Variants in ZNF518A observed in about 807,000 individuals in gnomAD.
ZNF518A encodes zinc finger protein 518.
In ZNF518A, 47 loss-of-function variants were observed where a neutral mutation model predicts 102.7. The ratio of observed to expected loss-of-function variants is 0.46; its 90% CI spans 0.36 to 0.58. ZNF518A has a LOEUF of 0.58. Ranked by LOEUF, ZNF518A falls within the 20% of genes least tolerant of loss-of-function variation. The pLI is 0.00. For synonymous variants in ZNF518A, 652 were observed against 594.6 expected (o/e 1.10, Z -1.40); for missense variants, 1,793 against 1,699.8 (o/e 1.05, Z -0.96).
chr10:96,174,548 T>G (rs1902697), intron 1 of ZNF518A, among the ~76,000 whole-genome samples: 128,866 of 152,140 alleles, frequency 0.85, 55,459 homozygotes, highest in Non-Finnish European at 0.93. Context: ...CCAGTAGTTA[T>G]ATGACCTAGA....
intron 1 of ZNF518A, among the ~76,000 whole-genome samples, chr10:96,183,472 C>T (rs587715039): frequency 2.3e-4 from 35 of 152,318 alleles, no homozygotes; most frequent in East Asian, 1.5e-3. Flanking sequence ...TTTCCCTCTA[C>T]GCACTGCTTT....
At position 96,156,626 on chromosome 10, in the gene ZNF518A, T is replaced by G. The variant is rs368478269; in HGVS notation, c.304T>G (p.Ser102Ala). 6 of 1,613,726 alleles carry G rather than the reference T, an allele frequency of 3.7e-6. No individual in the cohort carries two copies. The highest frequency in any genetic ancestry group is 5.1e-6 in the Non-Finnish European group (6 of 1,179,758). ...AGAGGAGTGTACATTGCTTCATAAGTCTGAGAGAGCTGAAGAAGAGGGTGT... is the reference window on the plus strand; with the variant it reads ...AGAGGAGTGTACATTGCTTCATAAGGCTGAGAGAGCTGAAGAAGAGGGTGT... ...CVEECTLLHK[S>A]ERAEEEGVKM... is the part of the protein sequence containing the mutation. Residue 102 changes from serine to alanine, a missense_variant, in exon 6 of 6, where the codon TCT becomes GCT. By Grantham distance (99) the Ser-to-Ala change is moderately conservative. Around this residue, in one of 3 missense-constraint regions of ZNF518A, gnomAD observed 1,741 missense variants for 1,622.6 expected, o/e 1.07. Transcript: ENST00000316045.
At chr10:96,154,847 C>T (rs1453900711) in intron 3 of ZNF518A, among the ~76,000 whole-genome samples, 1 of 152,086 alleles carries the variant, frequency 6.6e-6, no homozygotes, top group Non-Finnish European at 1.5e-5. Flanking sequence ...AATTGGTACC[C>T]TTCTGATTAA....
In ZNF518A at chr10:96,192,057, A is replaced by G. The variant is rs202240472; in HGVS notation, n.36-11517A>G. 88 of 1,613,666 alleles carry G rather than the reference A, an allele frequency of 5.5e-5. No homozygotes were observed. The highest frequency in any genetic ancestry group is 2.7e-4 in the Admixed American group (16 of 60,016). On this transcript the variant is annotated intron_variant and non_coding_transcript_variant, in intron 1 of 2. Coordinates refer to the ZNF518A transcript ENST00000442635. Reference sequence around the variant, plus strand: ...CAATAAGAACCAAAGGACTATGTTGATGATTCCTGATGATTTCAGCAACAC... The same window carrying G: ...CAATAAGAACCAAAGGACTATGTTGGTGATTCCTGATGATTTCAGCAACAC...
rs782156876 is a variant in ZNF518A, at chr10:96,160,420, T to G, written c.4098T>G (p.Thr1366=). 3.3e-5 allele frequency: 53 copies of G among 1,613,124 alleles called. 1 individual carries two copies. In the South Asian group the frequency reaches 5.4e-4, roughly 16 times the overall value. The change falls in exon 6 of 6, where the codon ACT becomes ACG. Residue 1366 remains threonine (T), a synonymous_variant. Transcript: ENST00000316045. ...DAPEVVSVMK[T]IAKFNGHVLK... ...CAGAAGTAGTAAGTGTAATGAAAAC[T>G]ATTGCTAAATTTAATGGACATGTAC... is the stretch of plus-strand genomic sequence containing the variant.
Position 96,157,941 on chromosome 10 carries a change from T to G in ZNF518A, c.1619T>G (p.Met540Arg). The G allele has an allele frequency of 5.0e-6, 8 of 1,613,848 alleles. No homozygotes were observed. Among genetic ancestry groups the G allele is most frequent in the Non-Finnish European group, 6.8e-6 (8 of 1,179,792 alleles). The change falls in exon 6 of 6, where the codon ATG becomes AGG. Residue 540 changes from methionine to arginine, a missense_variant. Met to Arg is a moderately conservative substitution (Grantham distance 91). Around this residue, in one of 3 missense-constraint regions of ZNF518A, gnomAD observed 1,741 missense variants for 1,622.6 expected, o/e 1.07. Transcript: ENST00000316045. ...ACTTTGATATCTCAAAGGAATAATA[T>G]GCTTCAAACAATGGATTATGAGAAA... ...EMTLISQRNN[M>R]LQTMDYEKSV...
At chr10:96,140,861 A>T (rs1554876256) in intron 3 of ZNF518A, among the ~76,000 whole-genome samples, 1 of 152,150 alleles carries the variant, frequency 6.6e-6, no homozygotes, top group African/African-American at 2.4e-5. Context: ...GAATCAATTG[A>T]GCCCAGAAGG....
intron 3 of ZNF518A, among the ~76,000 whole-genome samples, chr10:96,140,281 C>CAT (rs1480005161): frequency 6.6e-6 from 1 of 152,106 alleles, no homozygotes; most frequent in African/African-American, 2.4e-5. Flanking sequence ...ATTTTAGTGC[C>CAT]ATATAGTAAG....
intron 3 of ZNF518A, among the ~76,000 whole-genome samples, chr10:96,145,957 A>G (rs931394737): frequency 1.4e-4 from 22 of 152,342 alleles, no homozygotes; most frequent in Non-Finnish European, 2.8e-4. Context: ...TTTATGAAAC[A>G]CTGACCTAAG....
chr10:96,174,530 C>T (rs1263338609), intron 1 of ZNF518A, among the ~76,000 whole-genome samples: 5 of 152,102 alleles, frequency 3.3e-5, no homozygotes, highest in Non-Finnish European at 5.9e-5. Flanking sequence ...CTATGAACAA[C>T]TGAATGCCCA....
chr10:96,159,881 C>T lies in ZNF518A; in HGVS notation c.3559C>T (p.Pro1187Ser), dbSNP rs2082915782. The T allele has an allele frequency of 1.9e-6, 3 of 1,613,292 alleles. No individual in the cohort carries two copies. The highest frequency in any genetic ancestry group is 1.3e-5 in the African/African-American group (1 of 74,888). ...NQIIGGEQKEPESRDALPFLL... is the reference protein window; with the variant it reads ...NQIIGGEQKESESRDALPFLL... Reference sequence around the variant, plus strand: ...GATTATAGGAGGAGAGCAGAAAGAGCCAGAATCTAGAGATGCCTTACCCTT... The same window carrying T: ...GATTATAGGAGGAGAGCAGAAAGAGTCAGAATCTAGAGATGCCTTACCCTT... Residue 1187 changes from proline (P) to serine (S), a missense_variant, in exon 6 of 6, where the codon CCA (proline) becomes TCA (serine). By Grantham distance (74) the Pro-to-Ser change is moderately conservative. This residue lies in a region of ZNF518A where 1,741 missense variants were observed against 1,622.6 expected (regional missense o/e 1.07). Coordinates refer to ENST00000316045, the MANE Select transcript of ZNF518A (RefSeq NM_001330736.2).
chr10:96,162,679 G>T lies in ZNF518A; in HGVS notation c.*1905G>T, dbSNP rs2083044168. 1 of 165,896 alleles carries T rather than the reference G, an allele frequency of 6.0e-6. No homozygotes were observed. The highest frequency in any genetic ancestry group is 6.5e-5 in the Admixed American group (1 of 15,274). The allele number at this position is 165,896 out of a possible 1,614,324, so 10.3% of individuals were successfully genotyped here. On this transcript the variant is annotated 3_prime_UTR_variant, in exon 6 of 6. Coordinates refer to ENST00000316045, the MANE Select transcript of ZNF518A (RefSeq NM_001330736.2). ...GTACATGGTGTTTAAAGAATGGTAA[G>T]CATTGTTAATTTCTGTAATGAACAT...
rs2083057063 is a variant in ZNF518A at position 96,162,993 on chromosome 10, T to G, written c.*2219T>G. ...TTCAGTACCCTAACAGCAATAAAATTAAAATGCTCTGTTTGTTACATATAG... is the reference window on the plus strand; with the variant it reads ...TTCAGTACCCTAACAGCAATAAAATGAAAATGCTCTGTTTGTTACATATAG... On this transcript the variant is annotated 3_prime_UTR_variant, in exon 6 of 6. Transcript: ENST00000316045. The G allele has an allele frequency of 3.0e-5, 5 of 166,356 alleles. No individual in the cohort carries two copies. In the South Asian group the frequency reaches 1.1e-3, roughly 35 times the overall value. The allele number at this position is 166,356 out of a possible 1,614,324, so 10.3% of individuals were successfully genotyped here.
chr10:96,151,051 C>G (rs2082428417), intron 3 of ZNF518A, among the ~76,000 whole-genome samples: 1 of 152,086 alleles, frequency 6.6e-6, no homozygotes, highest in Non-Finnish European at 1.5e-5. Context: ...GCACTCCCAG[C>G]CTTACTGCAG....
At chr10:96,195,484 AGGAAGGAAATCCT>A (rs782752281) in intron 1 of ZNF518A, among the ~76,000 whole-genome samples, 6 of 152,278 alleles carry the variant, frequency 3.9e-5, no homozygotes, top group Non-Finnish European at 5.9e-5. Context: ...AGCCTTAAAA[AGGAAGGAAATCCT>A]AACACATGCT....
chr10:96,204,602 C>T, downstream of ZNF518A: 1 of 1,613,978 alleles, frequency 6.2e-7, no homozygotes, highest in Non-Finnish European at 8.5e-7. Flanking sequence ...TGGCGTTCAG[C>T]AGGTATAGGT....
chr10:96,134,159 G>C (rs2081481790), intron 3 of ZNF518A, among the ~76,000 whole-genome samples: 1 of 152,212 alleles, frequency 6.6e-6, no homozygotes. Flanking sequence ...CAGCCAGTAA[G>C]TAATGCAAAT....
chr10:96,149,004 C>T (rs587664073), intron 3 of ZNF518A, among the ~76,000 whole-genome samples: 3 of 152,222 alleles, frequency 2.0e-5, no homozygotes, highest in South Asian at 4.1e-4. Context: ...CGTGAGCCAC[C>T]GTGCCTGGCC....
chr10:96,192,475 A>G (rs1397012784), intron 1 of ZNF518A, among the ~76,000 whole-genome samples: 5 of 152,228 alleles, frequency 3.3e-5, no homozygotes, highest in Non-Finnish European at 7.4e-5. Context: ...CTCAGATACA[A>G]GAATTGATGT....
Sources: allele counts gnomAD v4.1 joint callset (sites outside exome capture counted in the v4.1 genomes callset), GRCh38; gene constraint gnomAD v4.1.1; regional missense constraint gnomAD v4.1.1; transcripts MANE v1.5; gene names NCBI Gene and HGNC (gene_info 2026-07-23, HGNC 2026-07-21).